RBFOX3: variants seen among roughly 807,000 people sequenced by gnomAD.
RBFOX3 encodes RNA binding protein fox-1 homolog 3.
RBFOX3 carries 17 observed loss-of-function variants against 48.7 expected under a neutral mutation model. The observed-to-expected ratio is 0.35, with a 90% CI of 0.24 to 0.52. The LOEUF is 0.52. Among genes scored for constraint, RBFOX3 ranks in the 20% least tolerant of loss-of-function variants. The pLI is 0.94. For synonymous variants in RBFOX3, 212 were observed against 209.5 expected (o/e 1.01, Z -0.10); for missense variants, 382 against 497.5 (o/e 0.77, Z 2.21).
In RBFOX3 at chr17:79,443,857, G is replaced by A. The variant is rs2071678217; in HGVS notation, c.-175+38597C>T. ...GGGATGATGGTGGGAGGGGCAGGCT[G>A]CAGAGAACTCAGAATGCCAACAAGG... On this transcript the variant is annotated intron_variant, in intron 2 of 14. Coordinates refer to ENST00000693108, the MANE Select transcript of RBFOX3 (RefSeq NM_001350451.2). This position sits in a 1 kb window ranked among gnomAD's most constrained non-coding sequence, Gnocchi z 4.4. 6.6e-6 allele frequency among the ~76,000 whole-genome samples: 1 copy of A among 152,160 alleles called. No homozygotes were observed. The highest frequency in any genetic ancestry group is 1.5e-5 in the Non-Finnish European group (1 of 68,024).
Position 79,418,031 on chromosome 17 carries a change from A to G in RBFOX3, c.-175+64423T>C, listed in dbSNP as rs2065671751. On this transcript the variant is annotated intron_variant, in intron 2 of 14. Transcript: ENST00000693108. The surrounding 1 kb of genome is among the most constrained non-coding windows in gnomAD (Gnocchi z 5.0). ...TAGAGTCATCAGATTCAGAGACAGA[A>G]AGGAGAATGGAGATGCCAGGGGCTG... Among the ~76,000 whole-genome samples the G allele has an allele frequency of 6.6e-6, 1 of 152,162 alleles. No homozygotes were observed. The highest frequency in any genetic ancestry group is 1.5e-5 in the Non-Finnish European group (1 of 68,022).
At chr17:79,602,840 G>T (rs2093737486) in intron 1 of RBFOX3, among the ~76,000 whole-genome samples, 1 of 152,172 alleles carries the variant, frequency 6.6e-6, no homozygotes, top group African/African-American at 2.4e-5. Flanking sequence ...AAGGGCTGGG[G>T]GAGGGAGGCC....
At chr17:79,170,560 C>G (rs1375349475) in intron 4 of RBFOX3, among the ~76,000 whole-genome samples, 2 of 152,130 alleles carry the variant, frequency 1.3e-5, no homozygotes, top group Non-Finnish European at 2.9e-5. Context: ...CAGAAACCAG[C>G]TGTTCTACAG....
intron 2 of RBFOX3, among the ~76,000 whole-genome samples, chr17:79,317,735 G>A (rs1194188385): frequency 6.6e-6 from 1 of 151,848 alleles, no homozygotes. Flanking sequence ...TTAGGCACTT[G>A]TTATGTAAGA....
intron 3 of RBFOX3, among the ~76,000 whole-genome samples, chr17:79,236,798 A>G (rs1428074739): frequency 2.6e-5 from 4 of 152,060 alleles, no homozygotes; most frequent in Non-Finnish European, 4.4e-5. Context: ...GGGACTCCAC[A>G]CGAGTGCCTG....
chr17:79,275,599 G>A (rs2068645692), intron 3 of RBFOX3, among the ~76,000 whole-genome samples: 1 of 152,150 alleles, frequency 6.6e-6, no homozygotes, highest in Non-Finnish European at 1.5e-5. Context: ...GGACACAGAA[G>A]CACAGGGGGT....
chr17:79,580,281 A>ATCC (rs1327100541), intron 1 of RBFOX3, among the ~76,000 whole-genome samples: 2 of 40,360 alleles, frequency 5.0e-5, no homozygotes, highest in Admixed American at 3.4e-4. Context: ...CTCCCCCCCC[A>ATCC]TCCTCCTCCT....
intron 4 of RBFOX3, among the ~76,000 whole-genome samples, chr17:79,197,637 C>T (rs560103720): frequency 4.1e-4 from 63 of 152,082 alleles, no homozygotes; most frequent in African/African-American, 1.4e-3. Context: ...TCAAGTGATC[C>T]GCCCACCTCG....
intron 2 of RBFOX3, among the ~76,000 whole-genome samples, chr17:79,470,304 T>C (rs2076901496): frequency 6.6e-6 from 1 of 152,152 alleles, no homozygotes; most frequent in Non-Finnish European, 1.5e-5. Flanking sequence ...AAATGCCGTG[T>C]GTCCACTCTG....
chr17:79,591,386 G>A (rs1341996129), intron 1 of RBFOX3, among the ~76,000 whole-genome samples: 2 of 152,142 alleles, frequency 1.3e-5, no homozygotes, highest in Non-Finnish European at 2.9e-5. Flanking sequence ...ACACACCATG[G>A]CCAGGACCAA....
intron 3 of RBFOX3, among the ~76,000 whole-genome samples, chr17:79,264,991 G>A (rs970019740): frequency 7.3e-5 from 11 of 151,662 alleles, no homozygotes; most frequent in Non-Finnish European, 1.2e-4. Flanking sequence ...GATTTGTGGC[G>A]ATCATAAAAA....
At chr17:79,116,830 C>T (rs2034134635) in intron 4 of RBFOX3, among the ~76,000 whole-genome samples, 1 of 152,254 alleles carries the variant, frequency 6.6e-6, no homozygotes. Context: ...TGGGCAGGAC[C>T]CCAGCAGCAA....
chr17:79,317,373 C>G (rs181363564), intron 2 of RBFOX3, among the ~76,000 whole-genome samples: 3 of 152,380 alleles, frequency 2.0e-5, no homozygotes, highest in East Asian at 1.9e-4. Flanking sequence ...CAGACCCACA[C>G]GGACCTCAGA....
intron 4 of RBFOX3, among the ~76,000 whole-genome samples, chr17:79,146,529 C>A (rs544709213): frequency 1.3e-3 from 202 of 152,348 alleles, no homozygotes; most frequent in Middle Eastern, 3.4e-3. Context: ...TGTTAAGGGC[C>A]TGGAAGAACC....
At position 79,242,128 on chromosome 17, in the gene RBFOX3, G is replaced by A. The variant is rs780619667; in HGVS notation, c.-73-6323C>T. 8.5e-5 allele frequency among the ~76,000 whole-genome samples: 13 copies of A among 152,294 alleles called. No homozygotes were observed. The highest frequency in any genetic ancestry group is 2.4e-4 in the African/African-American group (10 of 41,562). On this transcript the variant is annotated intron_variant, in intron 3 of 14. Coordinates refer to ENST00000693108, the MANE Select transcript of RBFOX3 (RefSeq NM_001350451.2). This position sits in a 1 kb window ranked among gnomAD's most constrained non-coding sequence, Gnocchi z 5.8. Reference sequence around the variant, plus strand: ...AGAGTAGATTTATTTGGCATTGTACGAGTTCCTGCAGCAGAGGCACTGGTG... The same window carrying A: ...AGAGTAGATTTATTTGGCATTGTACAAGTTCCTGCAGCAGAGGCACTGGTG...
chr17:79,206,803 G>T (rs1315785866), intron 4 of RBFOX3, among the ~76,000 whole-genome samples: 1 of 152,082 alleles, frequency 6.6e-6, no homozygotes, highest in Admixed American at 6.6e-5. Context: ...CCCTCAGGTG[G>T]GCAGCTCAGA....
intron 3 of RBFOX3, among the ~76,000 whole-genome samples, chr17:79,297,484 A>G (rs1191887779): frequency 2.0e-5 from 3 of 152,204 alleles, no homozygotes; most frequent in Admixed American, 2.0e-4. Context: ...GGTACCACTG[A>G]GACCCCTTCC....
rs1380001327 is a variant in RBFOX3, at chr17:79,104,061, T to G, written c.414+12A>C. 3 of 1,549,996 alleles carry G rather than the reference T, an allele frequency of 1.9e-6. No individual in the cohort carries two copies. In the East Asian group the frequency reaches 7.3e-5, roughly 38 times the overall value. On this transcript the variant is annotated intron_variant, in intron 7 of 14. Coordinates refer to ENST00000693108, the MANE Select transcript of RBFOX3 (RefSeq NM_001350451.2). ...CCGGCGCTGTAAGGCGGCAGCTCCGTGCGGCACCCACCTTGGAGCCCCGCT... is the reference window on the plus strand; with the variant it reads ...CCGGCGCTGTAAGGCGGCAGCTCCGGGCGGCACCCACCTTGGAGCCCCGCT...
chr17:79,227,984 G>C (rs2060520917), intron 4 of RBFOX3, among the ~76,000 whole-genome samples: 1 of 152,154 alleles, frequency 6.6e-6, no homozygotes, highest in African/African-American at 2.4e-5. Flanking sequence ...GGAGAGACAA[G>C]GGGCCCTGCG....
Sources: allele counts gnomAD v4.1 joint callset (sites outside exome capture counted in the v4.1 genomes callset), GRCh38; gene constraint gnomAD v4.1.1; non-coding constraint Gnocchi (gnomAD v3.1); transcripts MANE v1.5; gene names NCBI Gene and HGNC (gene_info 2026-07-23, HGNC 2026-07-21).